Variants in SHPRH observed in about 807,000 individuals in gnomAD.
SHPRH encodes E3 ubiquitin-protein ligase SHPRH.
Under a neutral mutation model 202.5 loss-of-function variants are expected in SHPRH, and 106 were observed. The ratio of observed to expected loss-of-function variants is 0.52; its 90% confidence interval spans 0.45 to 0.62. SHPRH has a LOEUF of 0.62. SHPRH is among the 20% of genes least tolerant of loss of function. The pLI, the probability that SHPRH is intolerant of heterozygous loss-of-function variation, is 0.00. For missense variants in SHPRH, 1,710 were observed against 2,020.0 expected (o/e 0.85, Z 2.94); for synonymous variants, 729 against 686.0 (o/e 1.06, Z -0.98).
chr6:145,945,698 T>C (rs761092687), intron 7 of SHPRH, 61 bp from the exon 8 acceptor site: 1 of 1,483,740 alleles, frequency 6.7e-7, no homozygotes, highest in East Asian at 2.4e-5. Context: ...AAAGTAAAAC[T>C]TGGTTAATCT....
At chr6:145,947,444 T>A in intron 6 of SHPRH, 49 bp downstream of exon 6, 4 of 1,579,786 alleles carry the variant, frequency 2.5e-6, no homozygotes, top group Non-Finnish European at 3.4e-6. Flanking sequence ...ACGATGCTTT[T>A]CGAGAACATA....
chr6:145,932,964 T>TCCC (rs55757353), intron 14 of SHPRH, 93 bp downstream of exon 14: 4 of 1,150,318 alleles, frequency 3.5e-6, no homozygotes, highest in East Asian at 2.8e-5. Context: ...GGGGGAAAAA[T>TCCC]CCCCCCCCCA....
rs1562367528 is a variant in SHPRH, at chr6:145,950,414, G to A, written c.832C>T (p.His278Tyr). 4.3e-6 allele frequency: 7 copies of A among 1,613,266 alleles called. No homozygotes were observed. The highest frequency in any genetic ancestry group is 5.9e-6 in the Non-Finnish European group (7 of 1,179,444). ...PEGQDIDELY[H>Y]FVKQTHQQET... ...TGCTGATGTGTTTGTTTCACAAAGT[G>A]ATACAGCTCGTCAATGTCTTGTCCC... The change falls in exon 4 of 30, where the codon CAC (histidine) becomes TAC (tyrosine). Residue 278 changes from histidine to tyrosine, a missense_variant. Transcript: ENST00000275233.
chr6:145,918,315 T>C, intron 22 of SHPRH, 83 bp from the exon 23 acceptor site: 1 of 842,862 alleles, frequency 1.2e-6, no homozygotes, highest in Non-Finnish European at 1.7e-6. Context: ...TCTCCAGTAA[T>C]ACAAATGTAT....
chr6:145,919,421 T>C lies in SHPRH; in HGVS notation c.4079A>G (p.Glu1360Gly). The C allele has an allele frequency of 3.1e-6, 5 of 1,613,252 alleles. No homozygotes were observed. The highest frequency in any genetic ancestry group is 4.2e-6 in the Non-Finnish European group (5 of 1,179,454). Residue 1360 changes from glutamate to glycine, a missense_variant, in exon 22 of 30, where the codon GAA becomes GGA. Glu to Gly is a moderately conservative substitution (Grantham distance 98). This residue lies in a region of SHPRH where 306 missense variants were observed against 479.5 expected (regional missense o/e 0.64). Transcript: ENST00000275233. ...SAVDELAMAT[E>G]RLRVRDPREP... The stretch of plus-strand genomic sequence containing the variant: ...CCTAGGATCACGCACTCTTAGTCGT[T>C]CTGTAGCCATTGCAAGTTCATCAAC...
At chr6:145,935,564 T>C (rs1785980670) in intron 11 of SHPRH, 123 bp from the exon 12 acceptor site, 4 of 890,988 alleles carry the variant, frequency 4.5e-6, no homozygotes, top group South Asian at 1.9e-5. Flanking sequence ...ACAGGCTGTA[T>C]AGGCTCTTAA....
chr6:145,942,160 A>T (rs148840487), intron 9 of SHPRH, among the ~76,000 whole-genome samples: 1 of 152,234 alleles, frequency 6.6e-6, no homozygotes, highest in African/African-American at 2.4e-5. Context: ...AACCTGAGGT[A>T]TATCTTAAAG....
chr6:145,917,795 T>A (rs1784084436), intron 23 of SHPRH: 1 of 175,338 alleles, frequency 5.7e-6, no homozygotes, highest in African/African-American at 2.4e-5. Context: ...CATATTTTTG[T>A]ATTGATGAAT....
Position 145,952,199 on chromosome 6 carries a change from G to A in SHPRH, c.763+150C>T, listed in dbSNP as rs1255881867. ...AAAGAAACAAATTATATTAGTGGGT[G>A]CATTTCAAATAAGTATAATTTGCCA... On this transcript the variant is annotated intron_variant, in intron 3 of 29. Coordinates refer to ENST00000275233, the MANE Select transcript of SHPRH (RefSeq NM_001042683.3). The A allele has an allele frequency of 4.7e-6, 3 of 632,400 alleles. No individual in the cohort carries two copies. In the African/African-American group the frequency reaches 5.5e-5, roughly 12 times the overall value. The allele number at this position is 632,400 out of a possible 1,614,324, so 39.2% of individuals were successfully genotyped here.
intron 25 of SHPRH, among the ~76,000 whole-genome samples, chr6:145,897,007 G>A (rs1270300759): frequency 1.3e-5 from 2 of 151,702 alleles, no homozygotes; most frequent in African/African-American, 2.4e-5. Flanking sequence ...GAAGAGCAAA[G>A]TAAGCCGAAA....
chr6:145,870,834 A>C (rs1780027183), intron 2 of SHPRH: 1 of 152,124 alleles, frequency 6.6e-6, no homozygotes, highest in Admixed American at 6.5e-5. Context: ...CTTTATTTGT[A>C]ATTTACTAAG....
At chr6:145,871,993 T>C (rs1362612333) in intron 2 of SHPRH, among the ~76,000 whole-genome samples, 1 of 152,150 alleles carries the variant, frequency 6.6e-6, no homozygotes, top group Non-Finnish European at 1.5e-5. Context: ...TAGCTAGCCA[T>C]ATGCAGGATA....
chr6:145,953,923 G>A (rs139069045), intron 2 of SHPRH, among the ~76,000 whole-genome samples: 2 of 151,726 alleles, frequency 1.3e-5, no homozygotes, highest in Admixed American at 6.6e-5. Context: ...TTACTAGGCT[G>A]TAAAGATGAA....
intron 6 of SHPRH, among the ~76,000 whole-genome samples, chr6:145,947,223 T>G (rs1787482830): frequency 6.6e-6 from 1 of 152,050 alleles, no homozygotes; most frequent in African/African-American, 2.4e-5. Flanking sequence ...AGTACTTTTG[T>G]AAAGGAGTTT....
downstream of SHPRH, among the ~76,000 whole-genome samples, chr6:145,880,607 T>C (rs2814879): frequency 0.45 from 67,642 of 149,276 alleles, 15,729 homozygotes; most frequent in African/African-American, 0.55. Context: ...CCAACGTGGG[T>C]AACACAGTGA....
chr6:145,900,923 A>G (rs1474655387), intron 25 of SHPRH, among the ~76,000 whole-genome samples: 1 of 152,092 alleles, frequency 6.6e-6, no homozygotes, highest in Non-Finnish European at 1.5e-5. Context: ...CAGAATCTGC[A>G]AATGTGGGGG....
At chr6:145,932,086 G>T (rs1316113773) in intron 14 of SHPRH, among the ~76,000 whole-genome samples, 1 of 151,844 alleles carries the variant, frequency 6.6e-6, no homozygotes, top group Non-Finnish European at 1.5e-5. Context: ...TTTATTAAGT[G>T]AATTTTCTAT....
chr6:145,878,404 G>T lies in SHPRH; in HGVS notation c.221+9616C>A, dbSNP rs1417482437. Among the ~76,000 whole-genome samples, 3 of 152,260 alleles carry T rather than the reference G, an allele frequency of 2.0e-5. No homozygotes were observed. The East Asian group carries it at 5.8e-4, about 29-fold the overall frequency. On this transcript the variant is annotated intron_variant, in intron 2 of 2. Coordinates refer to the SHPRH transcript ENST00000417762. ...ATGACATATATCCACCCGTGTAGTAGCATACAGAAGGCTCACTGTCCTAAA... is the reference window on the plus strand; with the variant it reads ...ATGACATATATCCACCCGTGTAGTATCATACAGAAGGCTCACTGTCCTAAA...
At chr6:145,918,354 T>A in intron 22 of SHPRH, 122 bp from the exon 23 acceptor site, 3 of 599,384 alleles carry the variant, frequency 5.0e-6, no homozygotes, top group Non-Finnish European at 7.6e-6. Flanking sequence ...ATTTACATTC[T>A]AAAACACAAG....
Sources: gnomAD v4.1 joint callset for allele counts (sites outside exome capture counted in the v4.1 genomes callset) on GRCh38, gnomAD v4.1.1 for gene constraint, gnomAD v4.1.1 regional missense constraint, MANE v1.5 for transcripts, NCBI Gene and HGNC (gene_info 2026-07-23, HGNC 2026-07-21) for gene names.